Variants in RXFP2 observed in about 807,000 individuals in gnomAD.
RXFP2 encodes relaxin receptor 2.
In RXFP2, 68 loss-of-function variants were observed where a neutral mutation model predicts 88.6. The ratio of observed to expected loss-of-function variants is 0.77; its 90% CI spans 0.63 to 0.94. The LOEUF (loss-of-function observed/expected upper bound fraction) is 0.94. Ranked by LOEUF, RXFP2 falls within the 40% of genes least tolerant of loss-of-function variation. The pLI is 0.00. For synonymous variants in RXFP2, 329 were observed against 306.8 expected, an observed-to-expected ratio of 1.07 and a Z score of -0.76; for missense variants, 791 against 893.9, an observed-to-expected ratio of 0.88 and a Z score of 1.47.
intron 8 of RXFP2, among the ~76,000 whole-genome samples, chr13:31,777,968 A>T (rs1873074702): frequency 6.6e-6 from 1 of 152,116 alleles, no homozygotes; most frequent in Non-Finnish European, 1.5e-5. Context: ...TTTACAACTG[A>T]TCATATAACA....
intron 3 of RXFP2, 103 bp from the exon 4 acceptor site, chr13:31,764,918 ATTTAACAGATGTAAAT>A: frequency 1.5e-6 from 1 of 673,710 alleles, no homozygotes; most frequent in Non-Finnish European, 2.7e-6. Flanking sequence ...GAATGAGTTC[ATTTAACAGATGTAAAT>A]TTTATACATT....
chr13:31,782,610 T>G (rs551786152), intron 10 of RXFP2, 66 bp from the exon 11 acceptor site: 180 of 1,174,736 alleles, frequency 1.5e-4, no homozygotes, highest in Admixed American at 3.0e-4. Context: ...CAGTGGCCTC[T>G]CCCAATGAGA....
At chr13:31,760,859 G>A (rs1181410842) in intron 2 of RXFP2, among the ~76,000 whole-genome samples, 2 of 152,092 alleles carry the variant, frequency 1.3e-5, no homozygotes, top group East Asian at 3.9e-4. Context: ...TTTACCAAAA[G>A]GAAGAGGAAA....
At chr13:31,758,500 C>A in intron 2 of RXFP2, 96 bp downstream of exon 2, 1 of 1,419,050 alleles carries the variant, frequency 7.0e-7, no homozygotes, top group Non-Finnish European at 9.9e-7. Flanking sequence ...ACTAGGAAAG[C>A]TGATTTGGTG....
At chr13:31,776,253 CT>C (rs149978498) in intron 7 of RXFP2, among the ~76,000 whole-genome samples, 12,942 of 84,108 alleles carry the variant, frequency 0.15, 402 homozygotes, top group East Asian at 0.22. Flanking sequence ...CTCTTTCCTT[CT>C]TTTTTTTTTT....
intron 17 of RXFP2, among the ~76,000 whole-genome samples, chr13:31,799,735 G>T (rs532187056): frequency 6.6e-6 from 1 of 152,204 alleles, no homozygotes; most frequent in South Asian, 2.1e-4. Context: ...CTTCTTTGAG[G>T]CTTTTTCTGT....
At chr13:31,760,505 TG>T (rs1489613070) in intron 2 of RXFP2, among the ~76,000 whole-genome samples, 3 of 152,220 alleles carry the variant, frequency 2.0e-5, no homozygotes, top group African/African-American at 7.2e-5. Flanking sequence ...TGCTCAGTTT[TG>T]GGGGCAACTG....
In RXFP2 at chr13:31,782,754, A is replaced by G; in HGVS notation, c.929+7A>G. ...TAAAAAATTTAGGAGAACTGTAAGT[A>G]GCATCGTCTACTAGGAAAATATGAT... On this transcript the variant is annotated splice_region_variant and intron_variant, in intron 11 of 17. Coordinates refer to ENST00000298386, the MANE Select transcript of RXFP2 (RefSeq NM_130806.5). 6.6e-7 allele frequency: 1 copy of G among 1,524,508 alleles called. No individual in the cohort carries two copies. The highest frequency in any genetic ancestry group is 9.1e-7 in the Non-Finnish European group (1 of 1,098,578). 94.4% of individuals were successfully genotyped at this position (1,524,508 alleles called of 1,614,324 possible). A position where few individuals can be genotyped will look rare whatever the true frequency, so the allele number is the denominator to read the frequency against.
At chr13:31,799,135 A>G (rs913415500) in intron 17 of RXFP2, among the ~76,000 whole-genome samples, 18 of 152,028 alleles carry the variant, frequency 1.2e-4, no homozygotes, top group Non-Finnish European at 8.8e-5. Flanking sequence ...TTAGTCAACT[A>G]AAGAAGGTGA....
chr13:31,787,124 A>G (rs1472276576), intron 13 of RXFP2, among the ~76,000 whole-genome samples: 1 of 152,322 alleles, frequency 6.6e-6, no homozygotes, highest in East Asian at 1.9e-4. Flanking sequence ...CATTTCAACC[A>G]TATTAAGTTT....
At chr13:31,793,831 T>C (rs1158902644) in intron 16 of RXFP2, among the ~76,000 whole-genome samples, 1 of 152,224 alleles carries the variant, frequency 6.6e-6, no homozygotes, top group Non-Finnish European at 1.5e-5. Flanking sequence ...TCTTCTGTCC[T>C]TTCTTTTTCT....
Position 31,771,997 on chromosome 13 carries a change from G to T in RXFP2, c.498-2623G>T, listed in dbSNP as rs534710425. 4.3e-5 allele frequency among the ~76,000 whole-genome samples: 4 copies of T among 93,972 alleles called. No individual in the cohort carries two copies. The East Asian group carries it at 1.4e-3, about 34-fold the overall frequency. The allele number at this position is 93,972 out of a possible 152,430, so 61.6% of individuals were successfully genotyped here. Reference sequence around the variant, plus strand: ...CCTAAATCAAAATTAAATCTTAATTGCCAGATGAATGTGTTGCTTAACTGA... The same window carrying T: ...CCTAAATCAAAATTAAATCTTAATTTCCAGATGAATGTGTTGCTTAACTGA... On this transcript the variant is annotated intron_variant, in intron 5 of 17. Coordinates refer to ENST00000298386, the MANE Select transcript of RXFP2 (RefSeq NM_130806.5).
chr13:31,795,746 T>C (rs1385895216), intron 16 of RXFP2, among the ~76,000 whole-genome samples: 1 of 152,144 alleles, frequency 6.6e-6, no homozygotes. Context: ...TTTGAAAATA[T>C]ATGCAAGTCT....
At position 31,802,603 on chromosome 13, in the gene RXFP2, T is replaced by G; in HGVS notation, c.*198T>G. The G allele has an allele frequency of 1.6e-6, 1 of 629,466 alleles. No individual in the cohort carries two copies. The highest frequency in any genetic ancestry group is 2.8e-5 in the East Asian group (1 of 36,036). The allele number at this position is 629,466 out of a possible 1,614,324, so 39.0% of individuals were successfully genotyped here. On this transcript the variant is annotated 3_prime_UTR_variant, in exon 18 of 18. Coordinates refer to ENST00000298386, the MANE Select transcript of RXFP2 (RefSeq NM_130806.5). The stretch of plus-strand genomic sequence containing the variant: ...ACCATGCTGAGGACAGCACCAAAGG[T>G]TCCTCTCCTCACCCCACATGCCTGA...
Position 31,739,587 on chromosome 13 carries a change from T to G in RXFP2, c.-26T>G. 1.4e-6 allele frequency: 2 copies of G among 1,440,224 alleles called. No individual in the cohort carries two copies. Among genetic ancestry groups the G allele is most frequent in the Non-Finnish European group, 2.0e-6 (2 of 1,021,756 alleles). The allele number at this position is 1,440,224 out of a possible 1,614,324, so 89.2% of individuals were successfully genotyped here. On this transcript the variant is annotated 5_prime_UTR_variant, in exon 1 of 18. Transcript: ENST00000298386. ...TCCTGCTGAGGTATAAGAGGATACG[T>G]CTAATAACTCAATTGCTGTAAACCT... is the stretch of plus-strand genomic sequence containing the variant.
intron 3 of RXFP2, among the ~76,000 whole-genome samples, chr13:31,762,902 G>C (rs1872365782): frequency 6.6e-6 from 1 of 151,826 alleles, no homozygotes; most frequent in South Asian, 2.1e-4. Flanking sequence ...CATAGTTTTG[G>C]GCCTTATGTT....
intron 1 of RXFP2, among the ~76,000 whole-genome samples, chr13:31,756,621 ATT>A (rs577728352): frequency 0.013 from 1,807 of 133,914 alleles, 21 homozygotes; most frequent in African/African-American, 0.035. Context: ...TGAAGTTCCA[ATT>A]TTTTTTTTTT....
chr13:31,802,186 T>G lies in RXFP2; in HGVS notation c.2046T>G (p.Val682=), dbSNP rs767497170. ...TSWIVIFFLP[V]NSALNPILYT... is the part of the protein sequence containing the mutation. Reference sequence around the variant, plus strand: ...GGATAGTGATTTTTTTCCTTCCAGTTAACAGTGCTTTGAATCCAATCCTCT... The same window carrying G: ...GGATAGTGATTTTTTTCCTTCCAGTGAACAGTGCTTTGAATCCAATCCTCT... Residue 682 remains valine (V), a synonymous_variant, in exon 18 of 18, where the codon GTT becomes GTG. Coordinates refer to ENST00000298386, the MANE Select transcript of RXFP2 (RefSeq NM_130806.5). The G allele has an allele frequency of 4.3e-6, 7 of 1,613,950 alleles. No individual in the cohort carries two copies. The highest frequency in any genetic ancestry group is 5.9e-6 in the Non-Finnish European group (7 of 1,179,952).
At chr13:31,754,217 A>C (rs1283120774) in intron 1 of RXFP2, among the ~76,000 whole-genome samples, 1 of 152,156 alleles carries the variant, frequency 6.6e-6, no homozygotes, top group Non-Finnish European at 1.5e-5. Flanking sequence ...ATGGGCATTT[A>C]GTTAGGTCCA....
Sources: allele counts gnomAD v4.1 joint callset (sites outside exome capture counted in the v4.1 genomes callset), GRCh38; gene constraint gnomAD v4.1.1; transcripts MANE v1.5; gene names NCBI Gene and HGNC (gene_info 2026-07-23, HGNC 2026-07-21).